RGS21: variants seen among roughly 807,000 people sequenced by gnomAD.
RGS21 encodes the protein regulator of G protein signaling 21, also known as regulator of G-protein signalling 21.
In RGS21, 19 loss-of-function variants were observed where a neutral mutation model predicts 18.7. The observed-to-expected ratio is 1.01, with a 90% CI of 0.71 to 1.49. The LOEUF (loss-of-function observed/expected upper bound fraction) is 1.49. Among genes scored for constraint, RGS21 ranks in the 40% most tolerant of loss-of-function variants. The pLI is 0.00. For synonymous variants in RGS21, 56 were observed against 57.8 expected (o/e 0.97, Z 0.14); for missense variants, 194 against 176.8 (o/e 1.10, Z -0.55).
In RGS21 at chr1:192,342,496, A is replaced by C. The variant is rs1036263734; in HGVS notation, c.-60-481A>C. ...GTCTTATATTAGAACATTTTAGTTC[A>C]TGAATAAAATTGCTTAAATAGTTAA... On this transcript the variant is annotated intron_variant, in intron 1 of 4. Coordinates refer to ENST00000417209, the MANE Select transcript of RGS21 (RefSeq NM_001039152.3). 2.6e-5 allele frequency among the ~76,000 whole-genome samples: 4 copies of C among 152,122 alleles called. No individual in the cohort carries two copies. In the East Asian group the frequency reaches 7.7e-4, roughly 29 times the overall value.
intron 2 of RGS21, among the ~76,000 whole-genome samples, chr1:192,344,916 C>T (rs1658925374): frequency 6.6e-6 from 1 of 151,984 alleles, no homozygotes; most frequent in Admixed American, 6.6e-5. Flanking sequence ...AGGATATACC[C>T]ATATAACTAA....
intron 2 of RGS21, among the ~76,000 whole-genome samples, chr1:192,344,042 C>T (rs1285568312): frequency 1.3e-5 from 2 of 151,886 alleles, no homozygotes; most frequent in African/African-American, 4.8e-5. Flanking sequence ...TTTCTTACTC[C>T]CATCTACCAT....
intron 1 of RGS21, among the ~76,000 whole-genome samples, chr1:192,326,764 A>G (rs1658573297): frequency 6.6e-6 from 1 of 152,184 alleles, no homozygotes; most frequent in Non-Finnish European, 1.5e-5. Context: ...ATTCTTCCCA[A>G]ACTTTGGAAG....
At chr1:192,352,956 G>A (rs1163480385) in intron 4 of RGS21, among the ~76,000 whole-genome samples, 1 of 151,946 alleles carries the variant, frequency 6.6e-6, no homozygotes, top group Non-Finnish European at 1.5e-5. Context: ...TGGATTTCTT[G>A]CTGAATATAT....
chr1:192,334,143 TC>T (rs2102226360), intron 1 of RGS21, among the ~76,000 whole-genome samples: 2 of 152,268 alleles, frequency 1.3e-5, no homozygotes, highest in South Asian at 4.1e-4. Flanking sequence ...GCTACGTTTC[TC>T]GACAGTGAAC....
At chr1:192,332,496 T>C (rs1029825077) in intron 1 of RGS21, among the ~76,000 whole-genome samples, 5 of 152,184 alleles carry the variant, frequency 3.3e-5, no homozygotes, top group Non-Finnish European at 5.9e-5. Context: ...AATGTAACTC[T>C]AAAATGGTTA....
chr1:192,359,634 T>C (rs1359260849), intron 4 of RGS21, among the ~76,000 whole-genome samples: 1 of 140,266 alleles, frequency 7.1e-6, no homozygotes, highest in Admixed American at 7.1e-5. Context: ...TATGTATATA[T>C]ATGTTTATAT....
intron 1 of RGS21, among the ~76,000 whole-genome samples, chr1:192,336,752 A>C (rs77246035): frequency 8.5e-5 from 13 of 152,290 alleles, no homozygotes; most frequent in African/African-American, 3.1e-4. Context: ...CCATTAAAAA[A>C]AAATGAAGTT....
intron 4 of RGS21, among the ~76,000 whole-genome samples, chr1:192,365,465 CAAATT>C (rs1659241734): frequency 6.6e-6 from 1 of 151,766 alleles, no homozygotes; most frequent in African/African-American, 2.4e-5. Context: ...AAAAGAAACA[CAAATT>C]AGAAAGAAAA....
At chr1:192,322,982 C>T (rs181860992) in intron 1 of RGS21, among the ~76,000 whole-genome samples, 3 of 151,972 alleles carry the variant, frequency 2.0e-5, no homozygotes, top group East Asian at 1.9e-4. Context: ...ATTAAGGGGG[C>T]GGGGATGGAT....
intron 3 of RGS21, 68 bp from the exon 4 acceptor site, chr1:192,351,979 G>C (rs551367770): frequency 2.5e-6 from 2 of 799,296 alleles, no homozygotes; most frequent in African/African-American, 3.5e-5. Flanking sequence ...ATTATACAAT[G>C]TACTCATTTT....
At chr1:192,335,560 G>A (rs1658755376) in intron 1 of RGS21, among the ~76,000 whole-genome samples, 1 of 152,138 alleles carries the variant, frequency 6.6e-6, no homozygotes, top group African/African-American at 2.4e-5. Flanking sequence ...ACTATACCAT[G>A]TGTTGTGAGA....
At chr1:192,325,444 A>AAT (rs1265295940) in intron 1 of RGS21, among the ~76,000 whole-genome samples, 2 of 152,084 alleles carry the variant, frequency 1.3e-5, no homozygotes, top group African/African-American at 2.4e-5. Flanking sequence ...TCGGTAGAAC[A>AAT]ATATATATAT....
At chr1:192,321,752 T>C (rs962804660) in intron 1 of RGS21, among the ~76,000 whole-genome samples, 1 of 152,074 alleles carries the variant, frequency 6.6e-6, no homozygotes, top group East Asian at 1.9e-4. Context: ...ACTCACTCTT[T>C]GATGTATTAA....
intron 1 of RGS21, among the ~76,000 whole-genome samples, chr1:192,327,285 A>G (rs1658581235): frequency 6.6e-6 from 1 of 152,082 alleles, no homozygotes; most frequent in Non-Finnish European, 1.5e-5. Context: ...AAATGACAGT[A>G]GCCTCCGAAA....
chr1:192,346,190 G>C (rs1658942103), intron 2 of RGS21, among the ~76,000 whole-genome samples: 1 of 151,960 alleles, frequency 6.6e-6, no homozygotes, highest in Non-Finnish European at 1.5e-5. Flanking sequence ...TCCTTAATGA[G>C]GATGACCATT....
intron 1 of RGS21, among the ~76,000 whole-genome samples, chr1:192,331,586 G>T (rs1040807788): frequency 6.7e-5 from 9 of 135,198 alleles, no homozygotes; most frequent in Admixed American, 1.4e-4. Context: ...AATAAATAAA[G>T]ACTGTGTATA....
At chr1:192,364,494 T>A (rs945417194) in intron 4 of RGS21, among the ~76,000 whole-genome samples, 1 of 152,126 alleles carries the variant, frequency 6.6e-6, no homozygotes, top group South Asian at 2.1e-4. Flanking sequence ...CTATTACTAT[T>A]CTCTTTCACA....
At chr1:192,360,152 A>T (rs1659168547) in intron 4 of RGS21, among the ~76,000 whole-genome samples, 1 of 152,056 alleles carries the variant, frequency 6.6e-6, no homozygotes, top group Non-Finnish European at 1.5e-5. Flanking sequence ...TTTAAAGGGA[A>T]TCTCAAACTT....
Sources: gnomAD v4.1 joint callset for allele counts (sites outside exome capture counted in the v4.1 genomes callset) on GRCh38, gnomAD v4.1.1 for gene constraint, MANE v1.5 for transcripts, NCBI Gene and HGNC (gene_info 2026-07-23, HGNC 2026-07-21) for gene names.